The following GRID1 variants were observed in gnomAD, a reference collection of about 807,000 sequenced individuals.
The protein encoded by GRID1 is glutamate ionotropic receptor delta type subunit 1.
Under a neutral mutation model 98.0 loss-of-function variants are expected in GRID1, and 28 were observed. The ratio of observed to expected loss-of-function variants is 0.29; its 90% CI spans 0.21 to 0.39. The LOEUF (loss-of-function observed/expected upper bound fraction) is 0.39. Among genes scored for constraint, GRID1 ranks in the 10% least tolerant of loss-of-function variants. GRID1 has a pLI of 1.00. For synonymous variants in GRID1, 553 were observed against 538.5 expected (o/e 1.03, Z -0.37); for missense variants, 1,111 against 1,340.5 (o/e 0.83, Z 2.67).
intron 8 of GRID1, among the ~76,000 whole-genome samples, chr10:85,752,906 G>A (rs886221793): frequency 2.0e-5 from 3 of 152,060 alleles, no homozygotes; most frequent in Non-Finnish European, 2.9e-5. Context: ...CCTACCAGGT[G>A]GATATAAATT....
At chr10:86,262,941 T>TC (rs1319318771) in intron 2 of GRID1, among the ~76,000 whole-genome samples, 1 of 64,634 alleles carries the variant, frequency 1.5e-5, no homozygotes. Context: ...CCGCCCTCCC[T>TC]CCCCCGAGAG....
At chr10:85,944,367 C>A (rs1411266881) in intron 4 of GRID1, among the ~76,000 whole-genome samples, 1 of 152,146 alleles carries the variant, frequency 6.6e-6, no homozygotes, top group African/African-American at 2.4e-5. Flanking sequence ...TTATTTTTAA[C>A]CCCTCGAATT....
At chr10:85,677,050 A>T (rs1023311776) in intron 12 of GRID1, among the ~76,000 whole-genome samples, 2 of 152,212 alleles carry the variant, frequency 1.3e-5, no homozygotes, top group Admixed American at 6.5e-5. Context: ...TGGACTGAAG[A>T]TTCTAAACTC....
chr10:86,322,535 C>G (rs1015089800), intron 2 of GRID1, among the ~76,000 whole-genome samples: 3 of 151,846 alleles, frequency 2.0e-5, no homozygotes, highest in African/African-American at 7.3e-5. Context: ...CTCAGCCTCC[C>G]AAGCAGCTGG....
intron 13 of GRID1, among the ~76,000 whole-genome samples, chr10:85,635,352 T>C (rs906545814): frequency 3.3e-5 from 5 of 152,154 alleles, no homozygotes; most frequent in African/African-American, 9.7e-5. Flanking sequence ...CAGTCAATTG[T>C]ATGGCAACTG....
chr10:86,212,823 T>C (rs183645519), intron 2 of GRID1, among the ~76,000 whole-genome samples: 31 of 152,366 alleles, frequency 2.0e-4, no homozygotes, highest in African/African-American at 7.2e-4. Context: ...TCATAACTCA[T>C]AGTAAATTAT....
chr10:86,232,167 A>ACT (rs1846464528), intron 2 of GRID1, among the ~76,000 whole-genome samples: 1 of 152,218 alleles, frequency 6.6e-6, no homozygotes, highest in Admixed American at 6.5e-5. Context: ...AGCGCATCCC[A>ACT]ATCCCACGAG....
chr10:86,128,497 CT>C (rs1844787415), intron 4 of GRID1, among the ~76,000 whole-genome samples: 1 of 152,202 alleles, frequency 6.6e-6, no homozygotes, highest in Admixed American at 6.5e-5. Context: ...TGCTTTCCCC[CT>C]GACACTGCTC....
At chr10:85,855,539 C>G (rs1047189450) in intron 7 of GRID1, among the ~76,000 whole-genome samples, 1 of 152,214 alleles carries the variant, frequency 6.6e-6, no homozygotes, top group African/African-American at 2.4e-5. Flanking sequence ...ATGGATTTCC[C>G]TAAATGCTCT....
rs1848661719 is a variant in GRID1 at position 86,365,386 on chromosome 10, C to T, written c.79+928G>A. ...AAAGCGACCGCTGTCAGCCCCCCAA[C>T]TCGGCCCAACTTCCCGAGATTCCTC... On this transcript the variant is annotated intron_variant, in intron 1 of 15. Transcript: ENST00000327946. The surrounding 1 kb of genome is among the most constrained non-coding windows in gnomAD (Gnocchi z 4.8). Among the ~76,000 whole-genome samples, 1 of 151,694 alleles carries T rather than the reference C, an allele frequency of 6.6e-6. No individual in the cohort carries two copies. The highest frequency in any genetic ancestry group is 2.1e-4 in the South Asian group (1 of 4,784).
chr10:85,922,172 G>A lies in GRID1; in HGVS notation c.727-5933C>T, dbSNP rs910203551. The stretch of plus-strand genomic sequence containing the variant: ...AGTTTTTGGGTCTGAACCTGGCCCC[G>A]TAACAATGGGAACAAAATGGTCTTT... On this transcript the variant is annotated intron_variant, in intron 4 of 15. Transcript: ENST00000327946. Among the ~76,000 whole-genome samples the A allele has an allele frequency of 8.5e-5, 13 of 152,262 alleles. No homozygotes were observed. In the East Asian group the frequency reaches 1.9e-3, roughly 23 times the overall value.
chr10:86,192,932 C>T lies in GRID1; in HGVS notation c.520+13432G>A, dbSNP rs753814787. Among the ~76,000 whole-genome samples the T allele has an allele frequency of 6.6e-6, 1 of 152,012 alleles. No individual in the cohort carries two copies. The highest frequency in any genetic ancestry group is 1.5e-5 in the Non-Finnish European group (1 of 67,932). Reference sequence around the variant, plus strand: ...GCTCCACTGTGTGTGGGTCCCTCTGCAAACAGAATGTGTGAGAGGCCAGAG... The same window carrying T: ...GCTCCACTGTGTGTGGGTCCCTCTGTAAACAGAATGTGTGAGAGGCCAGAG... On this transcript the variant is annotated intron_variant, in intron 3 of 15. Coordinates refer to ENST00000327946, the MANE Select transcript of GRID1 (RefSeq NM_017551.3). This position sits in a 1 kb window ranked among gnomAD's most constrained non-coding sequence, Gnocchi z 4.8.
intron 2 of GRID1, among the ~76,000 whole-genome samples, chr10:86,256,210 A>G (rs1002853149): frequency 1.3e-5 from 2 of 151,990 alleles, no homozygotes; most frequent in African/African-American, 2.4e-5. Flanking sequence ...TCTTTCCCCT[A>G]TTGTCACCCT....
At chr10:86,123,499 T>C (rs1359339113) in intron 4 of GRID1, among the ~76,000 whole-genome samples, 1 of 152,122 alleles carries the variant, frequency 6.6e-6, no homozygotes, top group Non-Finnish European at 1.5e-5. Context: ...CACCCACACA[T>C]GTCCACACAC....
intron 4 of GRID1, among the ~76,000 whole-genome samples, chr10:86,001,749 G>A (rs1295598447): frequency 6.6e-6 from 1 of 152,190 alleles, no homozygotes; most frequent in Non-Finnish European, 1.5e-5. Context: ...CTGAACAGCT[G>A]CATCGAGTGT....
At chr10:86,026,104 G>T (rs17106172) in intron 4 of GRID1, among the ~76,000 whole-genome samples, 10,025 of 152,226 alleles carry the variant, frequency 0.066, 407 homozygotes, top group East Asian at 0.19. Flanking sequence ...CCAGAGTTTT[G>T]ATGATAATTC....
At chr10:86,257,822 G>C (rs1589428781) in intron 2 of GRID1, among the ~76,000 whole-genome samples, 1 of 152,328 alleles carries the variant, frequency 6.6e-6, no homozygotes. Context: ...GCCAACTCCA[G>C]ACACCTAAAA....
chr10:86,268,572 C>T (rs553489489), intron 2 of GRID1, among the ~76,000 whole-genome samples: 2 of 152,342 alleles, frequency 1.3e-5, no homozygotes, highest in South Asian at 4.1e-4. Context: ...GGGTCAGGGA[C>T]TCGAATAGGA....
At chr10:85,930,154 T>G (rs1046250839) in intron 4 of GRID1, among the ~76,000 whole-genome samples, 12 of 151,224 alleles carry the variant, frequency 7.9e-5, no homozygotes, top group African/African-American at 2.9e-4. Flanking sequence ...TTGCGGTTAT[T>G]TATAACTACA....
Sources: allele counts gnomAD v4.1 joint callset (sites outside exome capture counted in the v4.1 genomes callset), GRCh38; gene constraint gnomAD v4.1.1; non-coding constraint Gnocchi (gnomAD v3.1); transcripts MANE v1.5; gene names NCBI Gene and HGNC (gene_info 2026-07-23, HGNC 2026-07-21).